OTOP3: variants seen among roughly 807,000 people sequenced by gnomAD.
The protein encoded by OTOP3 is proton channel OTOP3.
Under a neutral mutation model 50.8 loss-of-function variants are expected in OTOP3, and 41 were observed. That is an observed-to-expected ratio of 0.81 (90% CI 0.63 to 1.05). The LOEUF (loss-of-function observed/expected upper bound fraction) is 1.05. Among genes scored for constraint, OTOP3 ranks in the 50% least tolerant of loss-of-function variants. The pLI is 0.00. For missense variants in OTOP3, 788 were observed against 760.8 expected (o/e 1.04, Z -0.42); for synonymous variants, 320 against 324.4 (o/e 0.99, Z 0.14).
chr17:74,936,857 A>T (rs921286888), intron 1 of OTOP3, among the ~76,000 whole-genome samples: 3 of 151,864 alleles, frequency 2.0e-5, no homozygotes, highest in African/African-American at 7.3e-5. Flanking sequence ...TGAGTTTTCC[A>T]GGTGCCAGGC....
rs377258973 is a variant in OTOP3, at chr17:74,941,682, G to A, written c.309G>A (p.Val103=). 6.2e-6 allele frequency: 10 copies of A among 1,614,050 alleles called. No individual in the cohort carries two copies. In the African/African-American group the frequency reaches 1.1e-4, roughly 17 times the overall value. The stretch of plus-strand genomic sequence containing the variant: ...AGGTGGCCGTCACTCTGGGTGACGT[G>A]TGGATCCTGCTGGCCACGCTGAAGG... ...FNKVAVTLGD[V]WILLATLKVL... The change falls in exon 2 of 7, where the codon GTG becomes GTA. Residue 103 remains valine, a synonymous_variant. Coordinates refer to ENST00000328801, the MANE Select transcript of OTOP3 (RefSeq NM_001272005.2).
chr17:74,949,598 C>T lies in OTOP3; in HGVS notation c.*182C>T. ...TAGAGCCAGAGGCCAACAGCAGGGG[C>T]CTGGACACTGAGCTTCTGATGCCCA... On this transcript the variant is annotated 3_prime_UTR_variant, in exon 7 of 7. Coordinates refer to ENST00000328801, the MANE Select transcript of OTOP3 (RefSeq NM_001272005.2). 4.4e-6 allele frequency: 3 copies of T among 678,952 alleles called. No individual in the cohort carries two copies. Among genetic ancestry groups the T allele is most frequent in the South Asian group, 4.1e-5 (2 of 48,736 alleles). 42.1% of individuals were successfully genotyped at this position (678,952 alleles called of 1,614,324 possible). A position where few individuals can be genotyped will look rare whatever the true frequency, so the allele number is the denominator to read the frequency against.
chr17:74,946,533 G>T, intron 5 of OTOP3, 128 bp from the exon 6 acceptor site: 1 of 754,814 alleles, frequency 1.3e-6, no homozygotes, highest in South Asian at 1.9e-5. Flanking sequence ...TTCCACATTG[G>T]TAAAATGAGC....
chr17:74,949,454 T>G lies in OTOP3; in HGVS notation c.*38T>G. The stretch of plus-strand genomic sequence containing the variant: ...CCGGCAGAACCTCGAAGTGCCAAGG[T>G]GGGGAAGATGGTAGCCCAGAGTCTC... On this transcript the variant is annotated 3_prime_UTR_variant, in exon 7 of 7. Transcript: ENST00000328801. The G allele has an allele frequency of 6.2e-7, 1 of 1,602,798 alleles. No homozygotes were observed. The highest frequency in any genetic ancestry group is 8.5e-7 in the Non-Finnish European group (1 of 1,174,498).
intron 5 of OTOP3, among the ~76,000 whole-genome samples, chr17:74,945,797 GTTTA>G (rs1434463292): frequency 6.6e-6 from 1 of 151,972 alleles, no homozygotes; most frequent in African/African-American, 2.4e-5. Context: ...TCGGTTTTTG[GTTTA>G]TTTGAGACAC....
chr17:74,945,886 A>C (rs183388358), intron 5 of OTOP3, among the ~76,000 whole-genome samples: 1 of 152,196 alleles, frequency 6.6e-6, no homozygotes, highest in African/African-American at 2.4e-5. Context: ...TTCCAGGCTC[A>C]AGTGATCCTC....
chr17:74,942,154 C>G (rs764444851), intron 3 of OTOP3, 117 bp downstream of exon 3: 151 of 1,318,546 alleles, frequency 1.1e-4, no homozygotes, highest in Non-Finnish European at 1.5e-4. Flanking sequence ...ACCTAATGTC[C>G]CAGGGTCTTT....
intron 1 of OTOP3, among the ~76,000 whole-genome samples, chr17:74,937,388 T>C (rs1459085503): frequency 1.3e-5 from 2 of 152,198 alleles, no homozygotes; most frequent in Non-Finnish European, 2.9e-5. Context: ...GTAGTCTCAG[T>C]AGTCTAAGAT....
rs2039145040 is a variant in OTOP3, at chr17:74,938,962, G to A, written c.20-2431G>A. The stretch of plus-strand genomic sequence containing the variant: ...ACAGGAGGATCACTCGAGGCGAGGA[G>A]TTCAAGACCAGCTTAGGCAACATAA... On this transcript the variant is annotated intron_variant, in intron 1 of 6. Transcript: ENST00000328801. Among the ~76,000 whole-genome samples, 4 of 151,438 alleles carry A rather than the reference G, an allele frequency of 2.6e-5. No homozygotes were observed. In the South Asian group the frequency reaches 8.3e-4, roughly 32 times the overall value.
intron 3 of OTOP3, among the ~76,000 whole-genome samples, 164 bp from the exon 4 acceptor site, chr17:74,943,122 G>C (rs2039193287): frequency 6.6e-6 from 1 of 152,128 alleles, no homozygotes; most frequent in Non-Finnish European, 1.5e-5. Flanking sequence ...GAGATGGTTT[G>C]CCACTGATTC....
chr17:74,944,602 C>T (rs1025607619), intron 5 of OTOP3, among the ~76,000 whole-genome samples: 4 of 152,142 alleles, frequency 2.6e-5, no homozygotes, highest in Non-Finnish European at 5.9e-5. Flanking sequence ...ACTAAAAATA[C>T]AAAAATTACC....
At chr17:74,935,877 C>G, upstream of OTOP3, 2 of 1,547,564 alleles carry the variant, frequency 1.3e-6, no homozygotes, top group Middle Eastern at 1.7e-4. Context: ...CTCACCTGGA[C>G]GGACGATCCG....
intron 1 of OTOP3, among the ~76,000 whole-genome samples, chr17:74,936,262 G>T (rs1312702993): frequency 6.6e-6 from 1 of 152,192 alleles, no homozygotes; most frequent in African/African-American, 2.4e-5. Flanking sequence ...CTGTCTGGAC[G>T]CCCGGTCTGG....
At position 74,936,960 on chromosome 17, in the gene OTOP3, CCT is replaced by C. The variant is rs1567948481; in HGVS notation, c.19+1021_19+1022del. On this transcript the variant is annotated intron_variant, in intron 1 of 6. Transcript: ENST00000328801. Reference sequence around the variant, plus strand: ...TATTCGGCATTCATCACCCCCCCACCCTTTTTTTTTTTTTTTTTTTGAGACAG... The same window carrying C: ...TATTCGGCATTCATCACCCCCCCACCTTTTTTTTTTTTTTTTTTGAGACAG... 2.1e-3 allele frequency among the ~76,000 whole-genome samples: 81 copies of C among 39,432 alleles called. 3 individuals carry two copies. Among genetic ancestry groups the C allele is most frequent in the African/African-American group, 4.6e-3 (52 of 11,328 alleles). 25.9% of individuals were successfully genotyped at this position (39,432 alleles called of 152,430 possible).
chr17:74,937,829 G>C (rs2039133812), intron 1 of OTOP3, among the ~76,000 whole-genome samples: 1 of 152,134 alleles, frequency 6.6e-6, no homozygotes, highest in Non-Finnish European at 1.5e-5. Context: ...CACCAAACAG[G>C]GCACACCTCT....
At position 74,941,990 on chromosome 17, in the gene OTOP3, C is replaced by T; in HGVS notation, c.526C>T (p.Leu176=). ...GAGCCACATCCGCTGCAAGTCACAG[C>T]TGGACCTTGTCTTCTCTGTCATCGA... ...DVSHIRCKSQ[L]DLVFSVIEMV... is the part of the protein sequence containing the mutation. The change falls in exon 3 of 7, where the codon CTG becomes TTG. Residue 176 remains leucine, a synonymous_variant. Coordinates refer to ENST00000328801, the MANE Select transcript of OTOP3 (RefSeq NM_001272005.2). 2 of 1,613,766 alleles carry T rather than the reference C, an allele frequency of 1.2e-6. No individual in the cohort carries two copies. Among genetic ancestry groups the T allele is most frequent in the African/African-American group, 2.7e-5 (2 of 75,032 alleles).
At chr17:74,942,257 C>T (rs961600670) in intron 3 of OTOP3, among the ~76,000 whole-genome samples, 3 of 152,232 alleles carry the variant, frequency 2.0e-5, no homozygotes, top group Non-Finnish European at 4.4e-5. Flanking sequence ...CGAATGTAGA[C>T]ACTTAGAAGT....
At chr17:74,941,080 G>A (rs534790587) in intron 1 of OTOP3, among the ~76,000 whole-genome samples, 1 of 152,338 alleles carries the variant, frequency 6.6e-6, no homozygotes, top group East Asian at 1.9e-4. Flanking sequence ...CCAGGCACTA[G>A]GCAGACGCTG....
chr17:74,943,153 A>C (rs2039193507), intron 3 of OTOP3, 133 bp from the exon 4 acceptor site: 8 of 797,312 alleles, frequency 1.0e-5, no homozygotes, highest in Non-Finnish European at 1.1e-5. Flanking sequence ...AGCAAGAAGC[A>C]GTAGAGCCAA....
Sources: allele counts gnomAD v4.1 joint callset (sites outside exome capture counted in the v4.1 genomes callset), GRCh38; gene constraint gnomAD v4.1.1; transcripts MANE v1.5; gene names NCBI Gene and HGNC (gene_info 2026-07-23, HGNC 2026-07-21).